The following ABCC11 variants were observed in gnomAD, a reference collection of about 807,000 sequenced individuals.
ABCC11 encodes the protein ATP binding cassette subfamily C member 11.
A neutral mutation model predicts 149.3 loss-of-function variants in ABCC11; 135 were observed. That is an observed-to-expected ratio of 0.90 (90% confidence interval 0.79 to 1.04). ABCC11 has a LOEUF of 1.04. Among genes scored for constraint, ABCC11 ranks in the 50% least tolerant of loss-of-function variants. ABCC11 has a pLI of 0.00. For missense variants in ABCC11, 1,680 were observed against 1,722.1 expected (o/e 0.98, Z 0.43); for synonymous variants, 665 against 671.4 (o/e 0.99, Z 0.15).
chr16:48,245,283 C>A (rs1030503069), intron 1 of ABCC11, among the ~76,000 whole-genome samples: 3 of 152,188 alleles, frequency 2.0e-5, no homozygotes, highest in African/African-American at 7.2e-5. Flanking sequence ...CTCCTTCACT[C>A]ATAACATTTC....
In ABCC11 at chr16:48,170,227, T is replaced by C. The variant is rs1965623718; in HGVS notation, c.3778-9A>G. 1.9e-6 allele frequency: 3 copies of C among 1,606,970 alleles called. No individual in the cohort carries two copies. The highest frequency in any genetic ancestry group is 2.6e-6 in the Non-Finnish European group (3 of 1,173,536). On this transcript the variant is annotated splice_polypyrimidine_tract_variant and intron_variant, in intron 27 of 29. Transcript: ENST00000356608. ...TTGGGGAACTTTGAGATCTGCGATA[T>C]GGGAAGAAGAGACAACATAACCTGG...
At chr16:48,226,026 T>C (rs1256218183) in intron 4 of ABCC11, among the ~76,000 whole-genome samples, 2 of 151,936 alleles carry the variant, frequency 1.3e-5, no homozygotes, top group South Asian at 2.1e-4. Context: ...CAAACTCAAA[T>C]TGACTTAGCT....
intron 20 of ABCC11, among the ~76,000 whole-genome samples, chr16:48,189,927 C>T (rs1966857667): frequency 6.6e-6 from 1 of 152,214 alleles, no homozygotes. Flanking sequence ...AAAACCCCCA[C>T]TCCCACCTCT....
intron 1 of ABCC11, among the ~76,000 whole-genome samples, chr16:48,239,831 TA>T (rs1167027348): frequency 6.6e-6 from 1 of 151,928 alleles, no homozygotes; most frequent in African/African-American, 2.4e-5. Context: ...CAAACAAATT[TA>T]AAAACAAACA....
At chr16:48,165,718 G>A (rs1965310156), downstream of ABCC11, 1 of 152,200 alleles carries the variant, frequency 6.6e-6, no homozygotes, top group South Asian at 2.1e-4. Context: ...AATTCCCTGA[G>A]GGCAGGGACA....
At chr16:48,169,192 G>A (rs921102856) in intron 28 of ABCC11, among the ~76,000 whole-genome samples, 6 of 152,180 alleles carry the variant, frequency 3.9e-5, no homozygotes, top group African/African-American at 1.4e-4. Flanking sequence ...AAAAATCAAC[G>A]AGGGTCTAAT....
In ABCC11 at chr16:48,203,232, G is replaced by C; in HGVS notation, c.1874C>G (p.Thr625Arg). ...GCAGGCTCGCCTCCCTCTCACCTCT[G>C]TCATGTCTCCAAAGGGCAGAAGTTC... is the stretch of plus-strand genomic sequence containing the variant. ...DLELLPFGDM[T>R]EIGERGLNLS... The change falls in exon 14 of 30, where the codon ACA becomes AGA. Residue 625 changes from threonine to arginine, a missense_variant. Coordinates refer to ENST00000356608, the MANE Select transcript of ABCC11 (RefSeq NM_001370497.1). 6.4e-7 allele frequency: 1 copy of C among 1,573,486 alleles called. No individual in the cohort carries two copies.
intron 1 of ABCC11, among the ~76,000 whole-genome samples, chr16:48,235,329 T>C (rs1230226956): frequency 6.6e-6 from 1 of 152,246 alleles, no homozygotes; most frequent in Non-Finnish European, 1.5e-5. Flanking sequence ...GTAAGCTCTT[T>C]GAAACCAGGG....
In ABCC11 at chr16:48,176,813, G is replaced by A. The variant is rs562728077; in HGVS notation, c.3538+111C>T. ...AGCACAGGGCCCAGCACAGCATGAG[G>A]ACCTAATACATATTTGGGGGATGAC... On this transcript the variant is annotated intron_variant, in intron 25 of 29. Coordinates refer to ENST00000356608, the MANE Select transcript of ABCC11 (RefSeq NM_001370497.1). The A allele has an allele frequency of 2.7e-5, 34 of 1,262,528 alleles. No homozygotes were observed. In the East Asian group the frequency reaches 7.4e-4, roughly 27 times the overall value. The allele number at this position is 1,262,528 out of a possible 1,614,324, so 78.2% of individuals were successfully genotyped here.
chr16:48,193,752 C>T (rs1487054201), intron 19 of ABCC11, 127 bp downstream of exon 19: 3 of 733,814 alleles, frequency 4.1e-6, no homozygotes, highest in African/African-American at 3.6e-5. Flanking sequence ...CTCTCTGGAA[C>T]ACCAGCTCTG....
intron 4 of ABCC11, 38 bp downstream of exon 4, chr16:48,227,768 T>G: frequency 1.9e-6 from 3 of 1,613,174 alleles, no homozygotes; most frequent in Non-Finnish European, 2.5e-6. Flanking sequence ...AGAGATTGTC[T>G]TTTAACCTAT....
At chr16:48,239,281 G>A (rs1770506811) in intron 1 of ABCC11, among the ~76,000 whole-genome samples, 1 of 152,036 alleles carries the variant, frequency 6.6e-6, no homozygotes, top group African/African-American at 2.4e-5. Context: ...ACTCTAGAAG[G>A]GCTGGGCGAG....
At chr16:48,167,397 C>T in intron 29 of ABCC11, 31 bp from the exon 30 acceptor site, 1 of 1,520,578 alleles carries the variant, frequency 6.6e-7, no homozygotes, top group Non-Finnish European at 9.1e-7. Context: ...AGGGGAGGAT[C>T]AGGGCACAGC....
rs569131019 is a variant in ABCC11 at position 48,167,485 on chromosome 16, G to A, written c.4056+11C>T. The A allele has an allele frequency of 6.2e-6, 10 of 1,613,662 alleles. 1 individual carries two copies. In the African/African-American group the frequency reaches 8.0e-5, roughly 13 times the overall value. On this transcript the variant is annotated intron_variant, in intron 29 of 29. Transcript: ENST00000356608. ...CTCATCCTCCCACCAGCCCAAGGACGCAGCCTTCACCTTCCCATTGCCCAT... is the reference window on the plus strand; with the variant it reads ...CTCATCCTCCCACCAGCCCAAGGACACAGCCTTCACCTTCCCATTGCCCAT...
At chr16:48,230,704 C>A (rs561508703) in intron 2 of ABCC11, 131 bp from the exon 3 acceptor site, 6 of 1,092,060 alleles carry the variant, frequency 5.5e-6, no homozygotes, top group Non-Finnish European at 7.5e-6. Context: ...GCTTCCATAC[C>A]GAGAATAAGC....
intron 9 of ABCC11, among the ~76,000 whole-genome samples, chr16:48,213,851 G>A (rs777182247): frequency 6.6e-6 from 1 of 152,202 alleles, no homozygotes; most frequent in Non-Finnish European, 1.5e-5. Context: ...ATCATAAAGT[G>A]TATACAGGAA....
intron 4 of ABCC11, among the ~76,000 whole-genome samples, chr16:48,227,475 CAA>C (rs71309365): frequency 0.017 from 1,520 of 88,008 alleles, 27 homozygotes; most frequent in African/African-American, 0.054. Flanking sequence ...GACTCCATCT[CAA>C]AAAAAAAAAA....
intron 2 of ABCC11, 69 bp from the exon 3 acceptor site, chr16:48,230,642 C>T: frequency 1.4e-6 from 2 of 1,401,874 alleles, no homozygotes; most frequent in East Asian, 5.2e-5. Context: ...GAATGTTGGA[C>T]CAGCTGCCCA....
intron 4 of ABCC11, among the ~76,000 whole-genome samples, chr16:48,225,604 G>A (rs994370980): frequency 6.6e-6 from 1 of 151,824 alleles, no homozygotes; most frequent in African/African-American, 2.4e-5. Flanking sequence ...CCAGCCGTTT[G>A]GCAAAAAAAA....
Sources: gnomAD v4.1 joint callset for allele counts (sites outside exome capture counted in the v4.1 genomes callset) on GRCh38, gnomAD v4.1.1 for gene constraint, MANE v1.5 for transcripts, NCBI Gene and HGNC (gene_info 2026-07-23, HGNC 2026-07-21) for gene names.